Variants in USP54 observed in about 807,000 individuals in gnomAD.
USP54 encodes the protein ubiquitin specific peptidase 54.
USP54 carries 87 observed loss-of-function variants against 170.5 expected under a neutral mutation model. The observed-to-expected ratio is 0.51, with a 90% CI of 0.43 to 0.61. USP54 has a LOEUF of 0.61. Among genes scored for constraint, USP54 ranks in the 20% least tolerant of loss-of-function variants. USP54 has a pLI of 0.00. For missense variants in USP54, 1,786 were observed against 2,047.8 expected, an observed-to-expected ratio of 0.87 and a Z score of 2.47; for synonymous variants, 655 against 742.8, an observed-to-expected ratio of 0.88 and a Z score of 1.92.
At chr10:73,534,984 C>G (rs1488185325) in intron 11 of USP54, among the ~76,000 whole-genome samples, 1 of 152,176 alleles carries the variant, frequency 6.6e-6, no homozygotes, top group African/African-American at 2.4e-5. Flanking sequence ...CTTTCCCTAC[C>G]CTGCTGAAGC....
intron 1 of USP54, among the ~76,000 whole-genome samples, chr10:73,609,770 G>T (rs2079978603): frequency 6.6e-6 from 1 of 151,870 alleles, no homozygotes; most frequent in South Asian, 2.1e-4. Flanking sequence ...CTTGAGCCTG[G>T]GAAGCGGAGG....
Position 73,540,482 on chromosome 10 carries a change from A to G in USP54, c.826-889T>C, listed in dbSNP as rs572053716. 2.0e-5 allele frequency among the ~76,000 whole-genome samples: 3 copies of G among 151,986 alleles called. No homozygotes were observed. The South Asian group carries it at 6.3e-4, about 32-fold the overall frequency. Reference sequence around the variant, plus strand: ...CTACTGGGGAGGCTGAGGCAGGAGAATGGCATGAACCCAGGAAGCGGAGCT... The same window carrying G: ...CTACTGGGGAGGCTGAGGCAGGAGAGTGGCATGAACCCAGGAAGCGGAGCT... On this transcript the variant is annotated intron_variant, in intron 9 of 23. Transcript: ENST00000687698.
intron 1 of USP54, among the ~76,000 whole-genome samples, chr10:73,580,331 A>G (rs1478405021): frequency 6.6e-6 from 1 of 151,714 alleles, no homozygotes; most frequent in Non-Finnish European, 1.5e-5. Flanking sequence ...AAAAAAAAAA[A>G]AAAAGAAAGA....
chr10:73,580,234 G>A (rs567305220), intron 1 of USP54, among the ~76,000 whole-genome samples: 32 of 150,552 alleles, frequency 2.1e-4, no homozygotes, highest in Middle Eastern at 6.8e-3. Flanking sequence ...CAGGAGAATT[G>A]CTTGAAACCA....
chr10:73,614,561 CAA>C (rs60519884), intron 1 of USP54, among the ~76,000 whole-genome samples: 3,902 of 49,998 alleles, frequency 0.078, 44 homozygotes, highest in South Asian at 0.21. Flanking sequence ...ACTCCGTCTC[CAA>C]AAAAAAAAAA....
chr10:73,543,164 C>T, intron 5 of USP54, 33 bp from the exon 6 acceptor site: 1 of 1,450,642 alleles, frequency 6.9e-7, no homozygotes, highest in Non-Finnish European at 9.7e-7. Flanking sequence ...AGTATACCAA[C>T]AATATTTAAT....
intron 12 of USP54, among the ~76,000 whole-genome samples, chr10:73,533,065 G>A (rs1019731742): frequency 6.6e-6 from 1 of 152,206 alleles, no homozygotes. Flanking sequence ...CCAGCACTTT[G>A]GGAGGCCGAG....
chr10:73,598,587 G>A (rs2132254304), intron 1 of USP54, among the ~76,000 whole-genome samples: 1 of 152,174 alleles, frequency 6.6e-6, no homozygotes, highest in African/African-American at 2.4e-5. Flanking sequence ...GACCAGCCTG[G>A]CCAATATGGT....
At chr10:73,544,231 G>A (rs1352899657) in intron 5 of USP54, among the ~76,000 whole-genome samples, 16 of 152,078 alleles carry the variant, frequency 1.1e-4, no homozygotes, top group South Asian at 2.1e-4. Flanking sequence ...GAGTGAGCCC[G>A]GCCAGCATAT....
upstream of USP54, among the ~76,000 whole-genome samples, chr10:73,594,165 G>C (rs1262152894): frequency 6.6e-6 from 1 of 151,990 alleles, no homozygotes; most frequent in Non-Finnish European, 1.5e-5. Flanking sequence ...CCACTTCCCA[G>C]GTTCAAGTGA....
intron 4 of USP54, among the ~76,000 whole-genome samples, chr10:73,547,680 T>C (rs973240217): frequency 6.6e-6 from 1 of 152,230 alleles, no homozygotes; most frequent in African/African-American, 2.4e-5. Flanking sequence ...GCTAGCCATA[T>C]GTAGAAAGCT....
intron 4 of USP54, among the ~76,000 whole-genome samples, chr10:73,558,213 G>T (rs1251157798): frequency 2.6e-5 from 4 of 151,970 alleles, no homozygotes; most frequent in Non-Finnish European, 5.9e-5. Context: ...CAGGCATCAT[G>T]GTTCAAAGTA....
At chr10:73,615,866 G>A (rs2080580984) in intron 1 of USP54, among the ~76,000 whole-genome samples, 1 of 137,928 alleles carries the variant, frequency 7.3e-6, no homozygotes, top group Admixed American at 7.6e-5. Context: ...GCTGTAGTGA[G>A]CGAAATCACT....
intron 1 of USP54, among the ~76,000 whole-genome samples, chr10:73,605,949 G>C (rs189822658): frequency 2.0e-5 from 3 of 151,950 alleles, no homozygotes; most frequent in African/African-American, 7.2e-5. Flanking sequence ...AGGCCAAGGC[G>C]GGTGGATCAC....
chr10:73,551,597 T>G (rs1348973395), intron 4 of USP54, among the ~76,000 whole-genome samples: 1 of 152,212 alleles, frequency 6.6e-6, no homozygotes, highest in Non-Finnish European at 1.5e-5. Context: ...CATAGTGGCC[T>G]GACGACATGA....
intron 4 of USP54, among the ~76,000 whole-genome samples, chr10:73,569,247 A>C (rs1395392801): frequency 6.6e-6 from 1 of 152,120 alleles, no homozygotes; most frequent in Admixed American, 6.6e-5. Context: ...CATGGCTCTA[A>C]TGCCATGAAT....
chr10:73,622,690 C>T (rs1423860370), intron 1 of USP54, among the ~76,000 whole-genome samples: 4 of 152,084 alleles, frequency 2.6e-5, no homozygotes, highest in East Asian at 1.9e-4. Context: ...AGGTGGCTCA[C>T]GCCTATAATC....
At chr10:73,527,837 C>CAAAAAA (rs1015620084) in intron 15 of USP54, among the ~76,000 whole-genome samples, 6 of 43,716 alleles carry the variant, frequency 1.4e-4, no homozygotes, top group Non-Finnish European at 1.9e-4. Context: ...CCATCGATAC[C>CAAAAAA]AAAAAAAAAA....
intron 1 of USP54, among the ~76,000 whole-genome samples, chr10:73,582,601 G>A (rs2077024461): frequency 6.6e-6 from 1 of 152,154 alleles, no homozygotes; most frequent in South Asian, 2.1e-4. Flanking sequence ...ATGTTGGCCA[G>A]GCTGGTCTTG....
Sources: gnomAD v4.1 joint callset for allele counts (sites outside exome capture counted in the v4.1 genomes callset) on GRCh38, gnomAD v4.1.1 for gene constraint, MANE v1.5 for transcripts, NCBI Gene and HGNC (gene_info 2026-07-23, HGNC 2026-07-21) for gene names.